STAT3: variants seen among roughly 807,000 people sequenced by gnomAD.
The protein encoded by STAT3 is signal transducer and activator of transcription 3.
Under a neutral mutation model 114.3 loss-of-function variants are expected in STAT3, and 7 were observed. That is an observed-to-expected ratio of 0.06 (90% CI 0.03 to 0.11). The LOEUF (loss-of-function observed/expected upper bound fraction) is 0.11, where lower values mean the gene tolerates loss of function less well. STAT3 is among the 10% of genes least tolerant of loss of function. The pLI is 1.00. For missense variants in STAT3, 364 were observed against 960.9 expected (o/e 0.38, Z 8.21); for synonymous variants, 331 against 354.5 (o/e 0.93, Z 0.74).
chr17:42,331,551 C>G lies in STAT3; in HGVS notation c.1050-20G>C. The G allele has an allele frequency of 6.2e-7, 1 of 1,608,992 alleles. No homozygotes were observed. Among genetic ancestry groups the G allele is most frequent in the Non-Finnish European group, 8.5e-7 (1 of 1,176,150 alleles). On this transcript the variant is annotated intron_variant, in intron 10 of 23. Coordinates refer to ENST00000264657, the MANE Select transcript of STAT3 (RefSeq NM_139276.3). ...AGCAACCTATTTAAAAAGAAAAAATCCAAGGAAAAAAAGTCAGTAACTCTC... is the reference window on the plus strand; with the variant it reads ...AGCAACCTATTTAAAAAGAAAAAATGCAAGGAAAAAAAGTCAGTAACTCTC...
intron 5 of STAT3, 72 bp downstream of exon 5, chr17:42,339,242 C>T (rs1450098735): frequency 6.8e-7 from 1 of 1,464,316 alleles, no homozygotes; most frequent in African/African-American, 1.5e-5. Flanking sequence ...AGTGGCAGAG[C>T]AAGACCCTGT....
chr17:42,381,489 G>C (rs1205565216), intron 1 of STAT3, among the ~76,000 whole-genome samples: 1 of 152,136 alleles, frequency 6.6e-6, no homozygotes, highest in East Asian at 1.9e-4. Flanking sequence ...ACTTTGGGAG[G>C]CCGAGGCAGG....
rs1459473021 is a variant in STAT3 at position 42,323,135 on chromosome 17, A to G, written c.1757T>C (p.Met586Thr). ...ILALWNEGYI[M>T]GFISKERERA... Reference sequence around the variant, plus strand: ...CTCCCGCTCCTTACTGATAAAGCCCATGATGTACCTGGAGCCAAGGAGGAG... The same window carrying G: ...CTCCCGCTCCTTACTGATAAAGCCCGTGATGTACCTGGAGCCAAGGAGGAG... Residue 586 changes from methionine to threonine, a missense_variant, in exon 20 of 24, where the codon ATG (methionine) becomes ACG (threonine). Met to Thr is a moderately conservative substitution (Grantham distance 81). Around this residue, in one of 5 missense-constraint regions of STAT3, gnomAD observed 294 missense variants for 745.1 expected, o/e 0.39. Coordinates refer to ENST00000264657, the MANE Select transcript of STAT3 (RefSeq NM_139276.3). 4.3e-6 allele frequency: 7 copies of G among 1,614,096 alleles called. No individual in the cohort carries two copies. Among genetic ancestry groups the G allele is most frequent in the Non-Finnish European group, 5.9e-6 (7 of 1,180,048 alleles).
At chr17:42,381,405 T>C (rs1005691590) in intron 1 of STAT3, among the ~76,000 whole-genome samples, 3 of 152,138 alleles carry the variant, frequency 2.0e-5, no homozygotes, top group Non-Finnish European at 1.5e-5. Context: ...TTTACCTTCC[T>C]TATTATTCTT....
intron 1 of STAT3, among the ~76,000 whole-genome samples, chr17:42,365,466 A>C (rs2083727163): frequency 6.6e-6 from 1 of 152,262 alleles, no homozygotes; most frequent in South Asian, 2.1e-4. Context: ...ATCTTCGAAC[A>C]TAGTCAAATG....
chr17:42,352,176 T>C (rs1190771308), intron 1 of STAT3, among the ~76,000 whole-genome samples: 1 of 151,910 alleles, frequency 6.6e-6, no homozygotes, highest in African/African-American at 2.4e-5. Flanking sequence ...CCGTCTCTAC[T>C]AAAAATACAA....
chr17:42,334,101 G>T (rs1446068155), intron 8 of STAT3, 52 bp from the exon 9 acceptor site: 1 of 1,606,258 alleles, frequency 6.2e-7, no homozygotes. Context: ...GTATACAGGT[G>T]AGATGGAGAA....
rs934012389 is a variant in STAT3, at chr17:42,316,517, C to T, written c.2257+272G>A. 24 of 852,060 alleles carry T rather than the reference C, an allele frequency of 2.8e-5. No homozygotes were observed. In the African/African-American group the frequency reaches 3.8e-4, roughly 13 times the overall value. The allele number at this position is 852,060 out of a possible 1,614,324, so 52.8% of individuals were successfully genotyped here. ...TACAGGCATGAGCCACTCACCCAGC[C>T]TCAACTTTTTCTGAAATGTTAAATT... On this transcript the variant is annotated intron_variant, in intron 23 of 23. Coordinates refer to ENST00000264657, the MANE Select transcript of STAT3 (RefSeq NM_139276.3).
chr17:42,326,036 C>T, intron 15 of STAT3, 80 bp downstream of exon 15: 1 of 1,263,762 alleles, frequency 7.9e-7, no homozygotes, highest in Non-Finnish European at 1.2e-6. Context: ...TCCACCTTCT[C>T]TTGTAAAAAT....
At position 42,333,713 on chromosome 17, in the gene STAT3, G is replaced by C. The variant is rs1354754513; in HGVS notation, c.1009C>G (p.Leu337Val). ...AACTGGACGCCGGTCTTGATGACGA[G>C]GGGCCGGTCAGGATGCATGGGCATG... ...PCMPMHPDRP[L>V]VIKTGVQFTT... is the part of the protein sequence containing the mutation. The change falls in exon 10 of 24, where the codon CTC becomes GTC. Residue 337 changes from leucine to valine, a missense_variant. Leu to Val is a conservative substitution (Grantham distance 32). This residue lies in a region of STAT3 where 294 missense variants were observed against 745.1 expected (regional missense o/e 0.39). Coordinates refer to ENST00000264657, the MANE Select transcript of STAT3 (RefSeq NM_139276.3). The surrounding 1 kb of genome is among the most constrained non-coding windows in gnomAD (Gnocchi z 5.2). 2.5e-6 allele frequency: 4 copies of C among 1,614,176 alleles called. No homozygotes were observed. The highest frequency in any genetic ancestry group is 3.4e-6 in the Non-Finnish European group (4 of 1,180,046).
At chr17:42,356,815 T>A (rs1211947044) in intron 1 of STAT3, among the ~76,000 whole-genome samples, 1 of 151,834 alleles carries the variant, frequency 6.6e-6, no homozygotes, top group Non-Finnish European at 1.5e-5. Context: ...TGAGACAGAA[T>A]CTCACTCTGT....
At chr17:42,342,575 T>G (rs1366900685) in intron 4 of STAT3, among the ~76,000 whole-genome samples, 1 of 152,164 alleles carries the variant, frequency 6.6e-6, no homozygotes, top group Non-Finnish European at 1.5e-5. Context: ...AGAAAGCAGT[T>G]AAATTATTTT....
chr17:42,346,467 C>A, intron 3 of STAT3, 102 bp downstream of exon 3: 1 of 1,540,538 alleles, frequency 6.5e-7, no homozygotes, highest in South Asian at 1.1e-5. Flanking sequence ...AAGATAGATT[C>A]TCGTTACTTA....
intron 1 of STAT3, among the ~76,000 whole-genome samples, chr17:42,351,690 G>C (rs2082968185): frequency 6.6e-6 from 1 of 152,152 alleles, no homozygotes; most frequent in African/African-American, 2.4e-5. Flanking sequence ...AGCAAATAGA[G>C]AGAATGTCAG....
At position 42,337,738 on chromosome 17, in the gene STAT3, G is replaced by T. The variant is rs1324539938; in HGVS notation, c.645+25C>A. ...CCGCAAGTGAGCGAGACACATGGGG[G>T]AAGTGGTCCGACCTATGCCCTTACT... On this transcript the variant is annotated intron_variant, in intron 7 of 23. Coordinates refer to ENST00000264657, the MANE Select transcript of STAT3 (RefSeq NM_139276.3). The surrounding 1 kb of genome is among the most constrained non-coding windows in gnomAD (Gnocchi z 4.0). 2 of 1,613,738 alleles carry T rather than the reference G, an allele frequency of 1.2e-6. No homozygotes were observed. Among genetic ancestry groups the T allele is most frequent in the South Asian group, 1.1e-5 (1 of 91,050 alleles).
chr17:42,325,143 G>A, intron 15 of STAT3, 82 bp from the exon 16 acceptor site: 1 of 1,363,278 alleles, frequency 7.3e-7, no homozygotes, highest in Non-Finnish European at 1.0e-6. Context: ...ATCTCACGGG[G>A]CTCAGAATGA....
At chr17:42,370,258 T>C (rs969102428) in intron 1 of STAT3, among the ~76,000 whole-genome samples, 9 of 151,396 alleles carry the variant, frequency 5.9e-5, no homozygotes, top group Non-Finnish European at 1.2e-4. Context: ...AGCCTTTTTT[T>C]TTTTTGAGAC....
chr17:42,376,230 C>G (rs953316846), intron 1 of STAT3, among the ~76,000 whole-genome samples: 3 of 152,010 alleles, frequency 2.0e-5, no homozygotes, highest in Admixed American at 6.6e-5. Context: ...AGAAGGGAAG[C>G]TGTCTGTTCA....
intron 1 of STAT3, among the ~76,000 whole-genome samples, chr17:42,353,990 G>A (rs2083099651): frequency 6.6e-6 from 1 of 152,104 alleles, no homozygotes; most frequent in South Asian, 2.1e-4. Flanking sequence ...CTCCATCATA[G>A]ATTAACACTG....
Sources: gnomAD v4.1 joint callset for allele counts (sites outside exome capture counted in the v4.1 genomes callset) on GRCh38, gnomAD v4.1.1 for gene constraint, gnomAD v4.1.1 regional missense constraint, Gnocchi (gnomAD v3.1) non-coding constraint, MANE v1.5 for transcripts, NCBI Gene and HGNC (gene_info 2026-07-23, HGNC 2026-07-21) for gene names.